TP73: variants seen among roughly 807,000 people sequenced by gnomAD.
The protein encoded by TP73 is tumor protein p73, also known as p53-like transcription factor.
A neutral mutation model predicts 62.5 loss-of-function variants in TP73; 25 were observed. The ratio of observed to expected loss-of-function variants is 0.40; its 90% CI spans 0.29 to 0.56. TP73 has a LOEUF of 0.56. Ranked by LOEUF, TP73 falls within the 20% of genes least tolerant of loss-of-function variation. The pLI, the probability that TP73 is intolerant of heterozygous loss-of-function variation, is 0.46. For missense variants in TP73, 754 were observed against 913.3 expected, an observed-to-expected ratio of 0.83 and a Z score of 2.25; for synonymous variants, 423 against 377.5, an observed-to-expected ratio of 1.12 and a Z score of -1.40.
intron 3 of TP73, chr1:3,690,540 G>A: frequency 1.0e-6 from 1 of 960,638 alleles, no homozygotes; most frequent in Non-Finnish European, 1.3e-6. Context: ...AGCCGGCGCT[G>A]ACCGGCGTCC....
In TP73 at chr1:3,657,233, G is replaced by A. The variant is rs542455117; in HGVS notation, c.-34+4592G>A. Among the ~76,000 whole-genome samples, 37 of 152,250 alleles carry A rather than the reference G, an allele frequency of 2.4e-4. No individual in the cohort carries two copies. The Middle Eastern group carries it at 0.014, about 56-fold the overall frequency. ...GGTGTGGGCAGGGTCGGGTTCCCTC[G>A]GAGGCTCTGAGAGGGGGCTCGCCTC... is the stretch of plus-strand genomic sequence containing the variant. On this transcript the variant is annotated intron_variant, in intron 1 of 13. Transcript: ENST00000378295.
chr1:3,695,380 C>T lies in TP73; in HGVS notation c.187-12169C>T, dbSNP rs575266341. On this transcript the variant is annotated intron_variant, in intron 3 of 13. Transcript: ENST00000378295. The stretch of plus-strand genomic sequence containing the variant: ...AGGTTAGCCAGGGTGATGGGAGACA[C>T]CCCTAGCTCTCCTGCGCCCTCTCTA... Among the ~76,000 whole-genome samples the T allele has an allele frequency of 2.0e-5, 3 of 152,330 alleles. No individual in the cohort carries two copies. In the South Asian group the frequency reaches 6.2e-4, roughly 32 times the overall value.
Position 3,689,487 on chromosome 1 carries a change from G to A in TP73, c.186+6307G>A, listed in dbSNP as rs372244042. ...GCACAACACCTGGAATCGTCCTTTC[G>A]TCCTCAGCCCGGCCTGCTGGTGGGG... On this transcript the variant is annotated intron_variant, in intron 3 of 13. Coordinates refer to ENST00000378295, the MANE Select transcript of TP73 (RefSeq NM_005427.4). Among the ~76,000 whole-genome samples, 18 of 152,154 alleles carry A rather than the reference G, an allele frequency of 1.2e-4. No individual in the cohort carries two copies. In the East Asian group the frequency reaches 2.3e-3, roughly 20 times the overall value.
chr1:3,694,309 GC>G (rs773158608), intron 3 of TP73, among the ~76,000 whole-genome samples: 2 of 10,508 alleles, frequency 1.9e-4, no homozygotes, highest in African/African-American at 4.3e-4. Context: ...TGCAGCCTCA[GC>G]CCCCTCCTCC....
intron 1 of TP73, among the ~76,000 whole-genome samples, chr1:3,665,657 CTTTT>C (rs58949374): frequency 2.9e-5 from 4 of 137,582 alleles, no homozygotes; most frequent in Non-Finnish European, 6.2e-5. Context: ...TCTCTCTTTT[CTTTT>C]TTTTTTTTTT....
At chr1:3,729,864 G>A (rs973968536) in intron 10 of TP73, 136 bp from the exon 11 acceptor site, 51 of 1,272,406 alleles carry the variant, frequency 4.0e-5, no homozygotes, top group Non-Finnish European at 5.4e-5. Context: ...GGACAGGGAG[G>A]CTGGGGGAGG....
At chr1:3,688,440 T>A (rs189529772) in intron 3 of TP73, among the ~76,000 whole-genome samples, 3 of 152,200 alleles carry the variant, frequency 2.0e-5, no homozygotes, top group Non-Finnish European at 4.4e-5. Context: ...CCCCTCCCAC[T>A]AACTGGTTCC....
At chr1:3,714,351 A>G (rs1640413399) in intron 4 of TP73, 1 of 152,066 alleles carries the variant, frequency 6.6e-6, no homozygotes, top group Non-Finnish European at 1.5e-5. Flanking sequence ...GCACCCACTG[A>G]CCCTGGGGCA....
chr1:3,699,916 GGGACTGCAT>G lies in TP73; in HGVS notation c.187-7630_187-7622del, dbSNP rs1388872100. ...AGGAATCTCTGTTTCCAAGAGAAGG[GGGACTGCAT>G]GGCCAGACCGTGGGCTCGGGCCCCA... On this transcript the variant is annotated intron_variant, in intron 3 of 13. Coordinates refer to ENST00000378295, the MANE Select transcript of TP73 (RefSeq NM_005427.4). The surrounding 1 kb of genome is among the most constrained non-coding windows in gnomAD (Gnocchi z 4.1). 6.6e-6 allele frequency among the ~76,000 whole-genome samples: 1 copy of G among 152,086 alleles called. No individual in the cohort carries two copies. The highest frequency in any genetic ancestry group is 2.4e-5 in the African/African-American group (1 of 41,414).
intron 1 of TP73, among the ~76,000 whole-genome samples, chr1:3,653,781 G>A (rs1294458743): frequency 6.6e-6 from 1 of 152,198 alleles, no homozygotes; most frequent in Non-Finnish European, 1.5e-5. Context: ...GATTTATTCG[G>A]GGAAAGATTA....
chr1:3,707,530 C>G lies in TP73; in HGVS notation c.187-19C>G. The G allele has an allele frequency of 2.5e-6, 4 of 1,598,868 alleles. No homozygotes were observed. Among genetic ancestry groups the G allele is most frequent in the Non-Finnish European group, 3.4e-6 (4 of 1,168,864 alleles). ...GACTGTGTGTGTTTCCCCCTCCCTC[C>G]TCCCCTTTCCCGCGCCAGGCCCAGT... On this transcript the variant is annotated intron_variant, in intron 3 of 13. Transcript: ENST00000378295.
rs529170367 is a variant in TP73 at position 3,731,589 on chromosome 1, C to T, written c.1578+33C>T. 4.3e-4 allele frequency: 691 copies of T among 1,601,588 alleles called. 7 individuals carry two copies. The South Asian group carries it at 7.1e-3, about 17-fold the overall frequency. On this transcript the variant is annotated intron_variant, in intron 13 of 13. Transcript: ENST00000378295. ...CCGGGTGGACCCCGCTCTGCAGAGG[C>T]AGTAGCTGGAGGGGCCCCTGTCCGG...
intron 1 of TP73, among the ~76,000 whole-genome samples, chr1:3,655,915 C>G (rs193298004): frequency 3.9e-5 from 6 of 152,296 alleles, no homozygotes; most frequent in African/African-American, 1.4e-4. Context: ...CAGTGGCTCA[C>G]GCCTGTAATC....
rs996523026 is a variant in TP73 at position 3,660,149 on chromosome 1, A to G, written c.-34+7508A>G. ...GGCTTTCAAAAGCCTCTTGAGGCTA[A>G]GAAGTCAAGCCAAGGACTTGATATC... On this transcript the variant is annotated intron_variant, in intron 1 of 13. Coordinates refer to ENST00000378295, the MANE Select transcript of TP73 (RefSeq NM_005427.4). Among the ~76,000 whole-genome samples, 2 of 152,240 alleles carry G rather than the reference A, an allele frequency of 1.3e-5. 1 individual carries two copies. Among genetic ancestry groups the G allele is most frequent in the East Asian group, 3.8e-4 (2 of 5,204 alleles).
chr1:3,729,201 G>A, intron 9 of TP73, 126 bp from the exon 10 acceptor site: 1 of 1,331,076 alleles, frequency 7.5e-7, no homozygotes. Context: ...CTGAGCCTCT[G>A]GGGTGCTGGG....
At chr1:3,705,954 GC>G (rs1448621525) in intron 3 of TP73, among the ~76,000 whole-genome samples, 2 of 152,234 alleles carry the variant, frequency 1.3e-5, no homozygotes. Context: ...GCAGGAAGGG[GC>G]TGAGCCTGGG....
chr1:3,719,890 T>TTTG (rs1640920204), intron 4 of TP73, among the ~76,000 whole-genome samples: 5 of 132,146 alleles, frequency 3.8e-5, no homozygotes, highest in Admixed American at 3.8e-4. Context: ...TTTTTTCTCT[T>TTTG]TGTGTGTGTG....
chr1:3,706,558 A>G (rs1639672473), intron 3 of TP73, among the ~76,000 whole-genome samples: 1 of 152,032 alleles, frequency 6.6e-6, no homozygotes, highest in African/African-American at 2.4e-5. Flanking sequence ...CGGGGGTCAC[A>G]GGGAAAGCGC....
rs1557571020 is a variant in TP73, at chr1:3,722,107, C to T, written c.516C>T (p.Gly172=). The change falls in exon 5 of 14, where the codon GGC becomes GGT. Residue 172 remains glycine (G), a synonymous_variant. Coordinates refer to ENST00000378295, the MANE Select transcript of TP73 (RefSeq NM_005427.4). The part of the protein sequence containing the change: ...QIKVSTPPPP[G]TAIRAMPVYK... ...AGGTGTCCACCCCGCCACCCCCAGG[C>T]ACCGCCATCCGGGCCATGCCTGTTT... is the stretch of plus-strand genomic sequence containing the variant. 1 of 1,612,916 alleles carries T rather than the reference C, an allele frequency of 6.2e-7. No individual in the cohort carries two copies. The highest frequency in any genetic ancestry group is 8.5e-7 in the Non-Finnish European group (1 of 1,179,844).
Sources: gnomAD v4.1 joint callset for allele counts (sites outside exome capture counted in the v4.1 genomes callset) on GRCh38, gnomAD v4.1.1 for gene constraint, Gnocchi (gnomAD v3.1) non-coding constraint, MANE v1.5 for transcripts, NCBI Gene and HGNC (gene_info 2026-07-23, HGNC 2026-07-21) for gene names.